GADL1: variants seen among roughly 807,000 people sequenced by gnomAD.
The protein encoded by GADL1 is GAD like acidic amino acid decarboxylase 1, also known as acidic amino acid decarboxylase GADL1.
In GADL1, 71 loss-of-function variants were observed where a neutral mutation model predicts 69.5. That is an observed-to-expected ratio of 1.02 (90% CI 0.84 to 1.25). GADL1 has a LOEUF of 1.25. Among genes scored for constraint, GADL1 ranks in the 50% most tolerant of loss-of-function variants. The pLI, the probability that GADL1 is intolerant of heterozygous loss-of-function variation, is 0.00. For synonymous variants in GADL1, 254 were observed against 214.4 expected (o/e 1.18, Z -1.62); for missense variants, 737 against 631.8 (o/e 1.17, Z -1.79).
intron 14 of GADL1, among the ~76,000 whole-genome samples, chr3:30,763,104 ATAGG>A (rs1461149048): frequency 6.6e-6 from 1 of 152,202 alleles, no homozygotes; most frequent in African/African-American, 2.4e-5. Flanking sequence ...AGCACCATAA[ATAGG>A]TAAAGTCATG....
At position 30,773,558 on chromosome 3, in the gene GADL1, C is replaced by T. The variant is rs568558786; in HGVS notation, c.1392+4621G>A. Among the ~76,000 whole-genome samples the T allele has an allele frequency of 3.4e-3, 514 of 152,240 alleles. 5 individuals carry two copies. The highest frequency in any genetic ancestry group is 0.01 in the Middle Eastern group (3 of 294). On this transcript the variant is annotated intron_variant, in intron 14 of 14. Transcript: ENST00000282538. The stretch of plus-strand genomic sequence containing the variant: ...TTACATGTACTTAAGTATACTTAAG[C>T]ATAAAATTTCGATATTAATATACTA...
At chr3:30,831,105 C>T (rs1697783158) in intron 11 of GADL1, among the ~76,000 whole-genome samples, 2 of 152,048 alleles carry the variant, frequency 1.3e-5, no homozygotes, top group African/African-American at 4.8e-5. Context: ...TCTTGTTCCC[C>T]TCCAATTCAT....
At position 30,794,297 on chromosome 3, in the gene GADL1, G is replaced by GC. The variant is rs1553639699; in HGVS notation, c.1250+6591_1250+6592insG. Among the ~76,000 whole-genome samples, 442 of 45,522 alleles carry GC rather than the reference G, an allele frequency of 9.7e-3. 2 individuals are homozygous for GC. Among genetic ancestry groups the GC allele is most frequent in the Non-Finnish European group, 0.014 (336 of 24,332 alleles). The allele number at this position is 45,522 out of a possible 152,430, so 29.9% of individuals were successfully genotyped here. On this transcript the variant is annotated intron_variant, in intron 12 of 14. Coordinates refer to ENST00000282538, the MANE Select transcript of GADL1 (RefSeq NM_207359.3). Reference sequence around the variant, plus strand: ...GTAGCAGAGTGGGAGTTCCTGAGCTGTTTGTTGTTGAAAAGACTTAGACAT... The same window carrying GC: ...GTAGCAGAGTGGGAGTTCCTGAGCTGCTTTGTTGTTGAAAAGACTTAGACAT...
chr3:30,879,684 G>T (rs1313072828), intron 1 of GADL1, among the ~76,000 whole-genome samples: 1 of 151,746 alleles, frequency 6.6e-6, no homozygotes, highest in East Asian at 1.9e-4. Context: ...TCTTCTCATT[G>T]TCACTTCCTG....
chr3:30,825,736 C>T (rs959082598), intron 11 of GADL1, among the ~76,000 whole-genome samples: 2 of 151,786 alleles, frequency 1.3e-5, no homozygotes, highest in African/African-American at 4.8e-5. Context: ...CCCATGGACA[C>T]AGGGAGCGGG....
chr3:30,818,621 A>T (rs1559508321), intron 11 of GADL1, among the ~76,000 whole-genome samples: 1 of 152,206 alleles, frequency 6.6e-6, no homozygotes, highest in East Asian at 1.9e-4. Context: ...TTTCAAGCAC[A>T]TTATAAATTT....
At chr3:30,731,946 G>T (rs1035157707) in intron 14 of GADL1, among the ~76,000 whole-genome samples, 36 of 152,270 alleles carry the variant, frequency 2.4e-4, no homozygotes, top group African/African-American at 8.7e-4. Context: ...TATTTTACCA[G>T]TTCTTTACAA....
chr3:30,832,027 C>T (rs546103811), intron 11 of GADL1, among the ~76,000 whole-genome samples: 1 of 151,988 alleles, frequency 6.6e-6, no homozygotes, highest in South Asian at 2.1e-4. Context: ...GTCAAGCCTA[C>T]ACAGATCATT....
intron 11 of GADL1, among the ~76,000 whole-genome samples, chr3:30,829,569 T>A (rs904464396): frequency 7.9e-5 from 12 of 151,918 alleles, no homozygotes; most frequent in African/African-American, 2.9e-4. Flanking sequence ...TATCAACTAA[T>A]CAACTATAAT....
intron 11 of GADL1, among the ~76,000 whole-genome samples, chr3:30,815,882 C>A (rs148006569): frequency 4.1e-4 from 63 of 152,228 alleles, no homozygotes; most frequent in Non-Finnish European, 7.8e-4. Flanking sequence ...GCATGGATTG[C>A]GGACTAAGCA....
chr3:30,761,977 C>T (rs560983834), intron 14 of GADL1, among the ~76,000 whole-genome samples: 1 of 152,226 alleles, frequency 6.6e-6, no homozygotes, highest in African/African-American at 2.4e-5. Flanking sequence ...AATAGAGTAT[C>T]TGAAACCAAG....
intron 14 of GADL1, among the ~76,000 whole-genome samples, chr3:30,739,172 T>C (rs1695579976): frequency 6.6e-6 from 1 of 152,152 alleles, no homozygotes; most frequent in African/African-American, 2.4e-5. Flanking sequence ...GATTTTATAG[T>C]AGATGCAGGG....
intron 11 of GADL1, among the ~76,000 whole-genome samples, chr3:30,809,228 T>C (rs1375971597): frequency 6.6e-6 from 1 of 152,252 alleles, no homozygotes; most frequent in Non-Finnish European, 1.5e-5. Context: ...ATTTCTTTAC[T>C]TGGATTTATT....
At chr3:30,800,613 G>T (rs953790948) in intron 12 of GADL1, 2 of 435,460 alleles carry the variant, frequency 4.6e-6, no homozygotes, top group Admixed American at 7.6e-5. Context: ...TGCCAAAAAT[G>T]AGGGTCATTT....
intron 12 of GADL1, among the ~76,000 whole-genome samples, chr3:30,794,486 C>A (rs1696988685): frequency 6.6e-6 from 1 of 152,106 alleles, no homozygotes; most frequent in Non-Finnish European, 1.5e-5. Flanking sequence ...TGGCTTTGTG[C>A]CATAGTGGTA....
At chr3:30,861,803 C>G in intron 1 of GADL1, 38 bp from the exon 2 acceptor site, 7 of 1,393,368 alleles carry the variant, frequency 5.0e-6, no homozygotes, top group Non-Finnish European at 6.9e-6. Context: ...GAGAGATAAT[C>G]TAATTACACC....
rs777818301 is a variant in GADL1 at position 30,871,283 on chromosome 3, G to A, written c.38-9518C>T. On this transcript the variant is annotated intron_variant, in intron 1 of 14. Coordinates refer to ENST00000282538, the MANE Select transcript of GADL1 (RefSeq NM_207359.3). ...GAAGACTGCCTTAGAAAGATGAAGC[G>A]GGACTGGTGTAAAGTTTAGGTGTGA... 1.3e-3 allele frequency among the ~76,000 whole-genome samples: 198 copies of A among 151,692 alleles called. 1 individual carries two copies. Among genetic ancestry groups the A allele is most frequent in the Non-Finnish European group, 1.8e-3 (123 of 67,902 alleles).
chr3:30,881,529 C>A (rs1344114197), intron 1 of GADL1, among the ~76,000 whole-genome samples: 1 of 149,310 alleles, frequency 6.7e-6, no homozygotes, highest in African/African-American at 2.4e-5. Context: ...ATATCACTGA[C>A]CTTCATGGGA....
intron 14 of GADL1, among the ~76,000 whole-genome samples, chr3:30,767,742 AT>A (rs1003089625): frequency 1.3e-5 from 2 of 152,152 alleles, no homozygotes; most frequent in East Asian, 3.8e-4. Flanking sequence ...TACATAAAAA[AT>A]TTAAAACTTG....
Sources: gnomAD v4.1 joint callset for allele counts (sites outside exome capture counted in the v4.1 genomes callset) on GRCh38, gnomAD v4.1.1 for gene constraint, MANE v1.5 for transcripts, NCBI Gene and HGNC (gene_info 2026-07-23, HGNC 2026-07-21) for gene names.